The following ATE1 variants were observed in gnomAD, a reference collection of about 807,000 sequenced individuals.
The protein encoded by ATE1 is arginyl-tRNA--protein transferase 1.
Under a neutral mutation model 70.5 loss-of-function variants are expected in ATE1, and 36 were observed. The ratio of observed to expected loss-of-function variants is 0.51; its 90% confidence interval spans 0.39 to 0.67. The LOEUF (loss-of-function observed/expected upper bound fraction) is 0.67, where lower values mean the gene tolerates loss of function less well. Ranked by LOEUF, ATE1 falls within the 30% of genes least tolerant of loss-of-function variation. The probability of loss-of-function intolerance (pLI) is 0.00; values close to 1 mark genes in which losing one functional copy is unlikely to be tolerated. For synonymous variants in ATE1, 232 were observed against 219.3 expected (o/e 1.06, Z -0.51); for missense variants, 593 against 629.5 (o/e 0.94, Z 0.62).
At chr10:121,860,578 A>C (rs951490063) in intron 8 of ATE1, among the ~76,000 whole-genome samples, 13 of 152,272 alleles carry the variant, frequency 8.5e-5, no homozygotes, top group African/African-American at 3.1e-4. Context: ...AAGAAACTTT[A>C]CCAAGCTTAT....
At chr10:121,871,151 A>C (rs1371340392) in intron 7 of ATE1, among the ~76,000 whole-genome samples, 1 of 152,164 alleles carries the variant, frequency 6.6e-6, no homozygotes, top group Non-Finnish European at 1.5e-5. Context: ...GTAATATGGA[A>C]TAGTATAAAA....
chr10:121,899,817 G>A (rs1324105598), intron 7 of ATE1, 49 bp downstream of exon 7: 4 of 1,579,432 alleles, frequency 2.5e-6, no homozygotes, highest in African/African-American at 2.7e-5. Flanking sequence ...GATATTAAGT[G>A]GAAGGGAAAG....
rs754969227 is a variant in ATE1, at chr10:121,770,688, C to T, written c.1378+19481G>A. Among the ~76,000 whole-genome samples, 62 of 148,038 alleles carry T rather than the reference C, an allele frequency of 4.2e-4. 1 individual carries two copies. Among genetic ancestry groups the T allele is most frequent in the South Asian group, 3.3e-3 (15 of 4,598 alleles). ...AATAACTCACTGTGGTTGATTCTTA[C>T]TTATTGTTCAAGATAAGTGGGGGAT... is the stretch of plus-strand genomic sequence containing the variant. On this transcript the variant is annotated intron_variant, in intron 11 of 11. Transcript: ENST00000224652.
At chr10:121,910,353 T>G (rs955170659) in intron 5 of ATE1, among the ~76,000 whole-genome samples, 6 of 152,178 alleles carry the variant, frequency 3.9e-5, no homozygotes, top group African/African-American at 1.2e-4. Context: ...TACACACATA[T>G]TAAATTCATT....
intron 8 of ATE1, among the ~76,000 whole-genome samples, chr10:121,855,851 G>A (rs1434089542): frequency 6.6e-6 from 1 of 151,802 alleles, no homozygotes; most frequent in Admixed American, 6.6e-5. Flanking sequence ...GAGGTAGGAG[G>A]ATCACCTAAG....
intron 11 of ATE1, among the ~76,000 whole-genome samples, chr10:121,747,050 A>G (rs1051685406): frequency 6.6e-6 from 1 of 152,062 alleles, no homozygotes; most frequent in African/African-American, 2.4e-5. Context: ...AGCCAAAAAG[A>G]AGTTCTACAC....
rs563667565 is a variant in ATE1, at chr10:121,746,400, C to T, written c.1379-2542G>A. Among the ~76,000 whole-genome samples, 190 of 152,308 alleles carry T rather than the reference C, an allele frequency of 1.2e-3. 1 individual carries two copies. Among genetic ancestry groups the T allele is most frequent in the Non-Finnish European group, 2.2e-3 (151 of 68,022 alleles). ...AATTACAGACTTTCACGCTGGGACA[C>T]ACACACAAACTCATCTTTTTTTATA... On this transcript the variant is annotated intron_variant, in intron 11 of 11. Transcript: ENST00000224652.
chr10:121,907,939 C>T (rs1008157803), intron 5 of ATE1, among the ~76,000 whole-genome samples: 2 of 151,954 alleles, frequency 1.3e-5, no homozygotes, highest in Non-Finnish European at 2.9e-5. Flanking sequence ...TACCAATTCC[C>T]ACTAAAAGGA....
At chr10:121,893,755 A>C (rs1469822705) in intron 7 of ATE1, among the ~76,000 whole-genome samples, 1 of 152,210 alleles carries the variant, frequency 6.6e-6, no homozygotes, top group African/African-American at 2.4e-5. Context: ...TATAGTGAAA[A>C]AAATCATTCA....
intron 8 of ATE1, among the ~76,000 whole-genome samples, chr10:121,848,006 G>A (rs1948903027): frequency 6.6e-6 from 1 of 152,078 alleles, no homozygotes. Context: ...GGGAGGCGGA[G>A]GTTGCAGTGA....
At chr10:121,916,301 G>C (rs752328757) in intron 3 of ATE1, among the ~76,000 whole-genome samples, 1 of 152,086 alleles carries the variant, frequency 6.6e-6, no homozygotes, top group Non-Finnish European at 1.5e-5. Flanking sequence ...AAGGTATGAG[G>C]ATCAGAATAT....
At chr10:121,858,738 T>C (rs1280366487) in intron 8 of ATE1, among the ~76,000 whole-genome samples, 1 of 149,080 alleles carries the variant, frequency 6.7e-6, no homozygotes, top group East Asian at 2.0e-4. Context: ...GGCTACATCT[T>C]TGGGGTCTGT....
At chr10:121,811,985 G>T (rs1217087343) in intron 10 of ATE1, among the ~76,000 whole-genome samples, 2 of 130,118 alleles carry the variant, frequency 1.5e-5, no homozygotes, top group African/African-American at 3.0e-5. Flanking sequence ...TTGAGACAGG[G>T]TCTCCCTCTG....
rs576842818 is a variant in ATE1 at position 121,880,835 on chromosome 10, C to T, written c.943-10797G>A. 2.8e-4 allele frequency among the ~76,000 whole-genome samples: 43 copies of T among 152,116 alleles called. 1 individual carries two copies. Among genetic ancestry groups the T allele is most frequent in the Middle Eastern group, 6.8e-3 (2 of 294 alleles). On this transcript the variant is annotated intron_variant, in intron 7 of 11. Coordinates refer to ENST00000224652, the MANE Select transcript of ATE1 (RefSeq NM_001001976.3). Reference sequence around the variant, plus strand: ...TGTTTAGACTAGCCATCAAAAGGTACTATTGTTCACTTGTCAAGTGATTAC... The same window carrying T: ...TGTTTAGACTAGCCATCAAAAGGTATTATTGTTCACTTGTCAAGTGATTAC...
chr10:121,743,789 C>G lies in ATE1; in HGVS notation c.1448G>C (p.Gly483Ala), dbSNP rs373910135. 6.8e-6 allele frequency: 11 copies of G among 1,613,984 alleles called. No homozygotes were observed. The highest frequency in any genetic ancestry group is 8.5e-6 in the Non-Finnish European group (10 of 1,180,022). The change falls in exon 12 of 12, where the codon GGT (glycine) becomes GCT (alanine). Residue 483 changes from glycine to alanine, a missense_variant. Physicochemically the swap from Gly to Ala is moderately conservative, Grantham distance 60. Around this residue, in one of 3 missense-constraint regions of ATE1, gnomAD observed 90 missense variants for 93.7 expected, o/e 0.96. Coordinates refer to ENST00000224652, the MANE Select transcript of ATE1 (RefSeq NM_001001976.3). ...VFHKRAIMPY[G>A]VYKKQQKDPS... ...GTCTTTCTGCTGTTTCTTATAAACA[C>G]CGTAAGGCATGATGGCTCTCTTGTG... is the stretch of plus-strand genomic sequence containing the variant.
intron 6 of ATE1, among the ~76,000 whole-genome samples, chr10:121,900,368 T>C (rs933019126): frequency 2.6e-5 from 4 of 152,150 alleles, no homozygotes; most frequent in African/African-American, 7.2e-5. Flanking sequence ...AGACTAAAAA[T>C]ATGAATACAT....
chr10:121,898,776 AATGGTATATATT>A, intron 7 of ATE1: 1 of 1,560,458 alleles, frequency 6.4e-7, no homozygotes, highest in Non-Finnish European at 8.7e-7. Context: ...CTGACAAGAA[AATGGTATATATT>A]ATACTTCTTC....
At chr10:121,928,324 A>C (rs776637040), upstream of ATE1, 1 of 1,514,150 alleles carries the variant, frequency 6.6e-7, no homozygotes, top group South Asian at 1.2e-5. Context: ...GGCCGCGCCA[A>C]CTCCGGCGTC....
intron 8 of ATE1, among the ~76,000 whole-genome samples, chr10:121,863,768 C>T (rs553611308): frequency 6.6e-6 from 1 of 152,208 alleles, no homozygotes; most frequent in African/African-American, 2.4e-5. Context: ...CGCCACTACG[C>T]CCAGATAATT....
Sources: gnomAD v4.1 joint callset for allele counts (sites outside exome capture counted in the v4.1 genomes callset) on GRCh38, gnomAD v4.1.1 for gene constraint, gnomAD v4.1.1 regional missense constraint, MANE v1.5 for transcripts, NCBI Gene and HGNC (gene_info 2026-07-23, HGNC 2026-07-21) for gene names.